Variants in TULP4 observed in about 807,000 individuals in gnomAD.
TULP4 encodes the protein TUB like protein 4, also known as tubby-related protein 4.
A neutral mutation model predicts 129.0 loss-of-function variants in TULP4; 16 were observed. That is an observed-to-expected ratio of 0.12 (90% CI 0.08 to 0.19). TULP4 has a LOEUF of 0.19. TULP4 is among the 10% of genes least tolerant of loss of function. The probability of loss-of-function intolerance (pLI) is 1.00; values close to 1 mark genes in which losing one functional copy is unlikely to be tolerated. For synonymous variants in TULP4, 998 were observed against 854.0 expected, an observed-to-expected ratio of 1.17 and a Z score of -2.94; for missense variants, 1,842 against 2,059.1, an observed-to-expected ratio of 0.89 and a Z score of 2.04.
chr6:158,418,211 A>G (rs372949280), intron 2 of TULP4, among the ~76,000 whole-genome samples: 10 of 151,376 alleles, frequency 6.6e-5, no homozygotes, highest in Non-Finnish European at 1.2e-4. Context: ...GGTTGAAGCA[A>G]TTCTTTTGCC....
At position 158,274,379 on chromosome 6, in the gene TULP4, C is replaced by T. The variant is rs574151659; in HGVS notation, n.69-37672C>T. 6.6e-5 allele frequency among the ~76,000 whole-genome samples: 10 copies of T among 152,336 alleles called. No homozygotes were observed. In the South Asian group the frequency reaches 8.3e-4, roughly 13 times the overall value. Reference sequence around the variant, plus strand: ...AGTGCTGGCCACCACCAGCTGTACCCGGATCACTGCAGCAGCCTCCTGCCT... The same window carrying T: ...AGTGCTGGCCACCACCAGCTGTACCTGGATCACTGCAGCAGCCTCCTGCCT... On this transcript the variant is annotated intron_variant and non_coding_transcript_variant, in intron 1 of 1. Coordinates refer to the TULP4 transcript ENST00000620026.
chr6:158,292,928 G>A (rs528456038), intron 1 of TULP4, among the ~76,000 whole-genome samples: 7 of 152,048 alleles, frequency 4.6e-5, no homozygotes, highest in South Asian at 4.2e-4. Flanking sequence ...TTCAGACTTC[G>A]TTGCTTTGAT....
intron 1 of TULP4, among the ~76,000 whole-genome samples, chr6:158,287,261 AG>A (rs773124913): frequency 3.3e-5 from 5 of 152,194 alleles, no homozygotes; most frequent in Non-Finnish European, 5.9e-5. Flanking sequence ...ATGCATGTGT[AG>A]TGTTTATTTC....
intron 1 of TULP4, among the ~76,000 whole-genome samples, chr6:158,386,152 A>G (rs989227171): frequency 1.3e-5 from 2 of 152,068 alleles, no homozygotes; most frequent in African/African-American, 4.8e-5. Flanking sequence ...GCCACATCAT[A>G]TAATATCTTG....
rs145563810 is a variant in TULP4 at position 158,453,664 on chromosome 6, C to T, written c.859+1396C>T. 1.6e-3 allele frequency among the ~76,000 whole-genome samples: 240 copies of T among 151,532 alleles called. 1 individual carries two copies. Among genetic ancestry groups the T allele is most frequent in the African/African-American group, 5.4e-3 (222 of 41,182 alleles). Reference sequence around the variant, plus strand: ...ATTAGCTGGGCGTGGTAGCAGGTGCCTGTAATCCCAGCTACTCGGGAGGCT... The same window carrying T: ...ATTAGCTGGGCGTGGTAGCAGGTGCTTGTAATCCCAGCTACTCGGGAGGCT... On this transcript the variant is annotated intron_variant, in intron 5 of 13. Coordinates refer to ENST00000367097, the MANE Select transcript of TULP4 (RefSeq NM_020245.5).
chr6:158,364,066 C>T (rs1018944213), intron 1 of TULP4, among the ~76,000 whole-genome samples: 11 of 152,162 alleles, frequency 7.2e-5, no homozygotes, highest in Admixed American at 3.3e-4. Context: ...GGTAATTTGA[C>T]CAAAGAAAGG....
intron 4 of TULP4, among the ~76,000 whole-genome samples, chr6:158,449,706 A>T (rs971282656): frequency 6.6e-6 from 1 of 151,942 alleles, no homozygotes; most frequent in Admixed American, 6.6e-5. Context: ...CCTCCTCCTC[A>T]GGTCTAAAAG....
At chr6:158,337,655 T>C (rs907350113) in intron 1 of TULP4, among the ~76,000 whole-genome samples, 1 of 152,210 alleles carries the variant, frequency 6.6e-6, no homozygotes, top group Non-Finnish European at 1.5e-5. Context: ...GCCAAGTCCC[T>C]GCACCCACAG....
intron 1 of TULP4, among the ~76,000 whole-genome samples, chr6:158,326,351 C>G (rs6455576): frequency 0.86 from 131,135 of 152,142 alleles, 56,925 homozygotes; most frequent in South Asian, 0.93. Flanking sequence ...TTTTCCTGAA[C>G]ACCTCCATCT....
intron 1 of TULP4, among the ~76,000 whole-genome samples, chr6:158,396,321 C>T (rs766368696): frequency 1.1e-4 from 16 of 152,274 alleles, no homozygotes; most frequent in South Asian, 2.1e-4. Context: ...TGCATTCTCT[C>T]GGCTAGTATC....
chr6:158,393,078 A>G (rs1286076239), intron 1 of TULP4, among the ~76,000 whole-genome samples: 1 of 152,086 alleles, frequency 6.6e-6, no homozygotes, highest in Non-Finnish European at 1.5e-5. Flanking sequence ...CAAATGGGAA[A>G]AATTGGCCAA....
At chr6:158,365,694 A>C (rs536135714) in intron 1 of TULP4, among the ~76,000 whole-genome samples, 17 of 151,426 alleles carry the variant, frequency 1.1e-4, no homozygotes, top group African/African-American at 4.1e-4. Context: ...TAGGGTCTCG[A>C]TCTCCTGACC....
intron 1 of TULP4, among the ~76,000 whole-genome samples, chr6:158,347,938 A>G (rs923257076): frequency 3.3e-5 from 5 of 151,992 alleles, no homozygotes; most frequent in African/African-American, 1.2e-4. Flanking sequence ...AGTGTTTTCT[A>G]AATTGCATAT....
chr6:158,502,283 C>T lies in TULP4; in HGVS notation c.2620C>T (p.Pro874Ser), dbSNP rs1014548985. Residue 874 changes from proline to serine, a missense_variant, in exon 13 of 14, where the codon CCC becomes TCC. Pro to Ser is a moderately conservative substitution (Grantham distance 74). Coordinates refer to ENST00000367097, the MANE Select transcript of TULP4 (RefSeq NM_020245.5). ...CLKKGDFSLYPTSVHYQTPLG... is the reference protein window; with the variant it reads ...CLKKGDFSLYSTSVHYQTPLG... ...GAAGAAGGGCGACTTCTCCCTCTAC[C>T]CCACGTCAGTGCACTACCAGACCCC... The T allele has an allele frequency of 1.2e-6, 2 of 1,612,816 alleles. No homozygotes were observed. The highest frequency in any genetic ancestry group is 1.7e-6 in the Non-Finnish European group (2 of 1,179,682).
At chr6:158,494,719 G>A (rs923971001) in intron 10 of TULP4, 34 bp from the exon 11 acceptor site, 3 of 1,575,212 alleles carry the variant, frequency 1.9e-6, no homozygotes, top group Non-Finnish European at 2.6e-6. Context: ...GAAATAGATT[G>A]TGATTCTTCT....
chr6:158,262,013 G>C (rs1778360665), intron 1 of TULP4, among the ~76,000 whole-genome samples: 1 of 152,196 alleles, frequency 6.6e-6, no homozygotes, highest in African/African-American at 2.4e-5. Flanking sequence ...GTGAGGCGGG[G>C]AAATGAGTCC....
At chr6:158,377,569 CA>C (rs1218623979) in intron 1 of TULP4, among the ~76,000 whole-genome samples, 1 of 152,174 alleles carries the variant, frequency 6.6e-6, no homozygotes, top group African/African-American at 2.4e-5. Flanking sequence ...TTAACACATA[CA>C]TTGAGGCTCT....
At chr6:158,357,527 C>A (rs1021677148) in intron 1 of TULP4, among the ~76,000 whole-genome samples, 1 of 152,224 alleles carries the variant, frequency 6.6e-6, no homozygotes, top group Non-Finnish European at 1.5e-5. Flanking sequence ...AGCAGCCCTG[C>A]GGCGGCCAGC....
At chr6:158,259,069 A>G (rs562276759) in intron 1 of TULP4, among the ~76,000 whole-genome samples, 2 of 152,284 alleles carry the variant, frequency 1.3e-5, no homozygotes, top group African/African-American at 4.8e-5. Context: ...ACCTCTACTG[A>G]AAATACAAAA....
Sources: allele counts gnomAD v4.1 joint callset (sites outside exome capture counted in the v4.1 genomes callset), GRCh38; gene constraint gnomAD v4.1.1; transcripts MANE v1.5; gene names NCBI Gene and HGNC (gene_info 2026-07-23, HGNC 2026-07-21).